Variants in STIM1 observed in about 807,000 individuals in gnomAD.
STIM1 encodes the protein stromal interaction molecule 1.
A neutral mutation model predicts 74.7 loss-of-function variants in STIM1; 25 were observed. The ratio of observed to expected loss-of-function variants is 0.33; its 90% confidence interval spans 0.24 to 0.47. The LOEUF (loss-of-function observed/expected upper bound fraction) is 0.47. STIM1 is among the 20% of genes least tolerant of loss of function. STIM1 has a pLI of 1.00. For missense variants in STIM1, 728 were observed against 920.8 expected (o/e 0.79, Z 2.71); for synonymous variants, 328 against 348.8 (o/e 0.94, Z 0.66).
chr11:4,005,522 T>C (rs1310978329), intron 2 of STIM1, among the ~76,000 whole-genome samples: 1 of 137,832 alleles, frequency 7.3e-6, no homozygotes, highest in African/African-American at 2.7e-5. Flanking sequence ...TAGGTGGGAA[T>C]TGAACAATGA....
At chr11:3,913,026 G>T (rs1026265881) in intron 1 of STIM1, among the ~76,000 whole-genome samples, 1 of 152,108 alleles carries the variant, frequency 6.6e-6, no homozygotes, top group Non-Finnish European at 1.5e-5. Context: ...AGTGAGAATG[G>T]CAAAGTCCCA....
At chr11:3,887,839 G>A (rs983748382) in intron 1 of STIM1, among the ~76,000 whole-genome samples, 1 of 151,926 alleles carries the variant, frequency 6.6e-6, no homozygotes, top group Non-Finnish European at 1.5e-5. Context: ...GTGGTGGCAT[G>A]CACCTGTAGT....
intron 8 of STIM1, among the ~76,000 whole-genome samples, chr11:4,082,569 G>A (rs1225042553): frequency 2.6e-5 from 4 of 152,162 alleles, no homozygotes; most frequent in Non-Finnish European, 5.9e-5. Context: ...CCTGTCTTCT[G>A]GGAAAGATGA....
chr11:3,924,419 C>T (rs187787151), intron 1 of STIM1, among the ~76,000 whole-genome samples: 34 of 152,106 alleles, frequency 2.2e-4, no homozygotes, highest in Admixed American at 2.0e-3. Context: ...AGGATGGTCT[C>T]GATCTCCTGA....
chr11:4,023,048 C>T (rs369428056), intron 2 of STIM1, among the ~76,000 whole-genome samples: 17 of 152,096 alleles, frequency 1.1e-4, no homozygotes, highest in African/African-American at 3.1e-4. Context: ...CCATTACAGT[C>T]GGCCGGGTAT....
At chr11:4,035,030 T>C (rs2094086926) in intron 3 of STIM1, among the ~76,000 whole-genome samples, 1 of 152,152 alleles carries the variant, frequency 6.6e-6, no homozygotes, top group Admixed American at 6.5e-5. Flanking sequence ...ACAGAACCAG[T>C]GTTTGGTTTT....
intron 1 of STIM1, among the ~76,000 whole-genome samples, chr11:3,881,520 G>A (rs1299529533): frequency 4.0e-5 from 6 of 151,528 alleles, no homozygotes; most frequent in Non-Finnish European, 5.9e-5. Context: ...ACAGGTGCCC[G>A]CCACAGCACC....
intron 2 of STIM1, among the ~76,000 whole-genome samples, chr11:4,001,322 A>C (rs1467472931): frequency 3.3e-5 from 5 of 151,882 alleles, no homozygotes; most frequent in Admixed American, 1.3e-4. Context: ...AAAAATGTTC[A>C]GGGCAGCCAG....
chr11:3,902,028 A>G (rs566018090), intron 1 of STIM1, among the ~76,000 whole-genome samples: 341 of 152,332 alleles, frequency 2.2e-3, no homozygotes, highest in African/African-American at 7.8e-3. Context: ...TTGGTCCCCC[A>G]AAGTGCTGGG....
chr11:3,909,178 G>C (rs1463663921), intron 1 of STIM1, among the ~76,000 whole-genome samples: 1 of 152,168 alleles, frequency 6.6e-6, no homozygotes, highest in Non-Finnish European at 1.5e-5. Context: ...GGTGACTGGG[G>C]AGGCCAAGGC....
chr11:3,902,148 A>G (rs2092366021), intron 1 of STIM1, among the ~76,000 whole-genome samples: 1 of 152,178 alleles, frequency 6.6e-6, no homozygotes, highest in African/African-American at 2.4e-5. Flanking sequence ...CATGGAACTT[A>G]ATCTAATAGA....
intron 1 of STIM1, among the ~76,000 whole-genome samples, chr11:3,877,739 G>A (rs1407664980): frequency 1.3e-5 from 2 of 152,160 alleles, no homozygotes; most frequent in Non-Finnish European, 2.9e-5. Flanking sequence ...AGAACTGTTG[G>A]GAGTTGCAGC....
intron 12 of STIM1, chr11:4,086,895 C>T: frequency 6.6e-7 from 1 of 1,512,416 alleles, no homozygotes; most frequent in African/African-American, 1.4e-5. Flanking sequence ...TCTTCCCTTC[C>T]TTCCCTTTCT....
intron 1 of STIM1, among the ~76,000 whole-genome samples, chr11:3,928,203 A>T (rs2092811702): frequency 6.6e-6 from 1 of 151,390 alleles, no homozygotes; most frequent in Non-Finnish European, 1.5e-5. Context: ...ATGTTAATAC[A>T]GATGTAATCC....
In STIM1 at chr11:3,932,144, T is replaced by C. The variant is rs990617015; in HGVS notation, c.140-35408T>C. On this transcript the variant is annotated intron_variant, in intron 1 of 12. Coordinates refer to ENST00000526596, the MANE Select transcript of STIM1 (RefSeq NM_001382567.1). ...TGGACCATATCTGTACATAAGGCAG[T>C]TCTCTTGTCCAGCCCACCACCACTG... is the stretch of plus-strand genomic sequence containing the variant. 2.0e-5 allele frequency among the ~76,000 whole-genome samples: 3 copies of C among 152,170 alleles called. No individual in the cohort carries two copies. In the South Asian group the frequency reaches 6.2e-4, roughly 32 times the overall value.
chr11:4,023,650 A>T (rs902340166), intron 2 of STIM1, among the ~76,000 whole-genome samples: 1 of 152,124 alleles, frequency 6.6e-6, no homozygotes, highest in African/African-American at 2.4e-5. Context: ...AGGATTTCTA[A>T]TTTATATATA....
intron 2 of STIM1, among the ~76,000 whole-genome samples, chr11:4,012,049 T>TA (rs2093842368): frequency 1.3e-5 from 2 of 152,222 alleles, no homozygotes; most frequent in Non-Finnish European, 2.9e-5. Flanking sequence ...TGTGGTGTTA[T>TA]TTCTGAGGGC....
At chr11:4,003,329 A>G (rs2093740107) in intron 2 of STIM1, among the ~76,000 whole-genome samples, 1 of 151,656 alleles carries the variant, frequency 6.6e-6, no homozygotes, top group Non-Finnish European at 1.5e-5. Flanking sequence ...CATTGATGCA[A>G]AAATCCTCAG....
intron 1 of STIM1, among the ~76,000 whole-genome samples, chr11:3,882,630 C>T (rs2091558973): frequency 6.6e-6 from 1 of 152,146 alleles, no homozygotes; most frequent in African/African-American, 2.4e-5. Context: ...GTACATGTAC[C>T]TGTTTGAGTA....
Sources: gnomAD v4.1 joint callset for allele counts (sites outside exome capture counted in the v4.1 genomes callset) on GRCh38, gnomAD v4.1.1 for gene constraint, MANE v1.5 for transcripts, NCBI Gene and HGNC (gene_info 2026-07-23, HGNC 2026-07-21) for gene names.